Variants in LENG8 observed in about 807,000 individuals in gnomAD.
LENG8 encodes leukocyte receptor cluster member 8, also known as leukocyte receptor cluster (LRC) member 8.
LENG8 carries 28 observed loss-of-function variants against 102.1 expected under a neutral mutation model. That is an observed-to-expected ratio of 0.27 (90% CI 0.20 to 0.38). The LOEUF is 0.38. LENG8 is among the 10% of genes least tolerant of loss of function. The probability of loss-of-function intolerance (pLI) is 1.00; values close to 1 mark genes in which losing one functional copy is unlikely to be tolerated. For synonymous variants in LENG8, 531 were observed against 456.7 expected, an observed-to-expected ratio of 1.16 and a Z score of -2.07; for missense variants, 1,022 against 1,113.9, an observed-to-expected ratio of 0.92 and a Z score of 1.17.
chr19:54,449,765 C>G (rs923032459), intron 1 of LENG8: 2 of 152,354 alleles, frequency 1.3e-5, no homozygotes, highest in African/African-American at 2.4e-5. Context: ...GACCTCAGGC[C>G]TCGCGTCTGA....
Position 54,461,624 on chromosome 19 carries a change from T to A in LENG8, c.*696T>A, listed in dbSNP as rs995448911. The A allele has an allele frequency of 8.4e-6, 4 of 474,026 alleles. No individual in the cohort carries two copies. Among genetic ancestry groups the A allele is most frequent in the Admixed American group, 2.3e-5 (1 of 42,600 alleles). The allele number at this position is 474,026 out of a possible 1,614,324, so 29.4% of individuals were successfully genotyped here. ...TCTGCCCCCAGTGTTTCTTCTGATTTTTTTTTCCCCTTTCCCTCCCTCCCT... is the reference window on the plus strand; with the variant it reads ...TCTGCCCCCAGTGTTTCTTCTGATTATTTTTTCCCCTTTCCCTCCCTCCCT... On this transcript the variant is annotated 3_prime_UTR_variant, in exon 16 of 16. Coordinates refer to ENST00000326764, the MANE Select transcript of LENG8 (RefSeq NM_052925.4).
Position 54,461,835 on chromosome 19 carries a change from G to T in LENG8, c.*907G>T. ...TCCCTCCCTCTTCTGCCATGTAACT[G>T]GAGGATGTGCTATGAGTTTGCAAAC... On this transcript the variant is annotated 3_prime_UTR_variant, in exon 16 of 16. Coordinates refer to ENST00000326764, the MANE Select transcript of LENG8 (RefSeq NM_052925.4). 7 of 533,334 alleles carry T rather than the reference G, an allele frequency of 1.3e-5. No individual in the cohort carries two copies. Among genetic ancestry groups the T allele is most frequent in the Non-Finnish European group, 2.2e-5 (6 of 269,094 alleles). The allele number at this position is 533,334 out of a possible 1,614,324, so 33.0% of individuals were successfully genotyped here.
At position 54,460,067 on chromosome 19, in the gene LENG8, G is replaced by C. The variant is rs945116840; in HGVS notation, c.2241-699G>C. ...CCTTCCCCCCAAGGAGGCTGACCCTGCCCTGCCAGCTGAGACTGGGAGACG... is the reference window on the plus strand; with the variant it reads ...CCTTCCCCCCAAGGAGGCTGACCCTCCCCTGCCAGCTGAGACTGGGAGACG... On this transcript the variant is annotated intron_variant, in intron 15 of 15. Coordinates refer to ENST00000326764, the MANE Select transcript of LENG8 (RefSeq NM_052925.4). The C allele has an allele frequency of 3.9e-6, 5 of 1,289,306 alleles. No homozygotes were observed. The African/African-American group carries it at 6.1e-5, about 16-fold the overall frequency. The allele number at this position is 1,289,306 out of a possible 1,614,324, so 79.9% of individuals were successfully genotyped here. A position where few individuals can be genotyped will look rare whatever the true frequency, so the allele number is the denominator to read the frequency against.
chr19:54,459,785 G>C (rs767025717), intron 15 of LENG8: 1 of 1,106,524 alleles, frequency 9.0e-7, no homozygotes, highest in African/African-American at 1.6e-5. Flanking sequence ...AGGAGCAGAC[G>C]AGGATGTGGG....
chr19:54,454,900 C>T (rs768397778), intron 6 of LENG8, 51 bp from the exon 7 acceptor site: 4 of 1,611,768 alleles, frequency 2.5e-6, no homozygotes, highest in Non-Finnish European at 3.4e-6. Context: ...CCCTGGGGAC[C>T]CCTGGATGTG....
In LENG8 at chr19:54,452,755, G is replaced by A; in HGVS notation, c.315+3G>A. 6.2e-7 allele frequency: 1 copy of A among 1,608,260 alleles called. No individual in the cohort carries two copies. Among genetic ancestry groups the A allele is most frequent in the Non-Finnish European group, 8.5e-7 (1 of 1,174,790 alleles). On this transcript the variant is annotated splice_donor_region_variant and intron_variant, in intron 4 of 15. Transcript: ENST00000326764. The stretch of plus-strand genomic sequence containing the variant: ...CCTACAGCTACTACTATCCCATGGT[G>A]AGTGCCCAGCCAGTGGGGCGGGGCA...
intron 15 of LENG8, 47 bp from the exon 16 acceptor site, chr19:54,460,719 G>GGGCCGC: frequency 4.5e-5 from 35 of 778,850 alleles, no homozygotes; most frequent in Non-Finnish European, 5.9e-5. Context: ...GCCCTCCCCT[G>GGGCCGC]CCCTCCCGCC....
rs967623405 is a variant in LENG8, at chr19:54,453,486, G to A, written c.316-60G>A. The stretch of plus-strand genomic sequence containing the variant: ...TCATGGCTGGTGTAGTTCCTGAGCA[G>A]GCTGGGGAAGCGGAAAGGGTAGGCC... On this transcript the variant is annotated intron_variant, in intron 4 of 15. Coordinates refer to ENST00000326764, the MANE Select transcript of LENG8 (RefSeq NM_052925.4). 129 of 1,121,986 alleles carry A rather than the reference G, an allele frequency of 1.1e-4. No individual in the cohort carries two copies. The East Asian group carries it at 3.1e-3, about 27-fold the overall frequency. 69.5% of individuals were successfully genotyped at this position (1,121,986 alleles called of 1,614,324 possible). A position where few individuals can be genotyped will look rare whatever the true frequency, so the allele number is the denominator to read the frequency against.
At position 54,460,889 on chromosome 19, in the gene LENG8, C is replaced by T. The variant is rs779794599; in HGVS notation, c.2364C>T (p.Ile788=). 7.7e-6 allele frequency: 12 copies of T among 1,555,392 alleles called. No homozygotes were observed. The highest frequency in any genetic ancestry group is 1.4e-5 in the African/African-American group (1 of 73,352). Residue 788 remains isoleucine, a synonymous_variant, in exon 16 of 16, where the codon ATC becomes ATT. Coordinates refer to ENST00000326764, the MANE Select transcript of LENG8 (RefSeq NM_052925.4). ...ACACGGGCCCGGACAACTCCAGCAT[C>T]GACTGCCGCCTCAGCCTGGCGCAGC... The part of the protein sequence containing the change: ...LAYTGPDNSS[I]DCRLSLAQLS...
In LENG8 at chr19:54,461,807, C is replaced by T. The variant is rs1255495867; in HGVS notation, c.*879C>T. 9.8e-6 allele frequency: 5 copies of T among 509,682 alleles called. No individual in the cohort carries two copies. The East Asian group carries it at 1.6e-4, about 17-fold the overall frequency. 31.6% of individuals were successfully genotyped at this position (509,682 alleles called of 1,614,324 possible). On this transcript the variant is annotated 3_prime_UTR_variant, in exon 16 of 16. Transcript: ENST00000326764. Reference sequence around the variant, plus strand: ...TCCTCTCCCTTTTCTTTTTGGCCCTCCCTCCCTCCCTCTTCTGCCATGTAA... The same window carrying T: ...TCCTCTCCCTTTTCTTTTTGGCCCTTCCTCCCTCCCTCTTCTGCCATGTAA...
intron 15 of LENG8, chr19:54,460,433 C>T (rs2084471875): frequency 7.9e-7 from 1 of 1,269,098 alleles, no homozygotes; most frequent in Non-Finnish European, 1.0e-6. Context: ...CCCGCCATCC[C>T]CATCCCCTGC....
At chr19:54,458,986 G>C (rs1333450674) in intron 15 of LENG8, 8 of 1,458,322 alleles carry the variant, frequency 5.5e-6, no homozygotes, top group Non-Finnish European at 3.6e-6. Flanking sequence ...GAAACGCTTA[G>C]GGAGACACCT....
intron 4 of LENG8, among the ~76,000 whole-genome samples, chr19:54,453,020 G>A (rs372139718): frequency 2.9e-4 from 44 of 152,206 alleles, no homozygotes; most frequent in African/African-American, 1.0e-3. Context: ...CTTGATGCCC[G>A]CACCCGCCAG....
At chr19:54,454,167 C>T (rs1015070624) in intron 5 of LENG8, among the ~76,000 whole-genome samples, 4 of 152,236 alleles carry the variant, frequency 2.6e-5, no homozygotes, top group East Asian at 1.9e-4. Context: ...AGCATTGAAA[C>T]GCTGCCAGCT....
intron 14 of LENG8, 26 bp downstream of exon 14, chr19:54,458,258 G>A (rs1321464886): frequency 3.7e-6 from 6 of 1,613,956 alleles, no homozygotes; most frequent in East Asian, 2.2e-5. Context: ...CAGGACAGAG[G>A]CCATGGTACC....
At chr19:54,452,358 G>T in intron 3 of LENG8, 91 bp downstream of exon 3, 1 of 1,167,862 alleles carries the variant, frequency 8.6e-7, no homozygotes, top group Non-Finnish European at 1.2e-6. Flanking sequence ...CAGACGGGGT[G>T]CTCTGAGGGG....
At position 54,458,262 on chromosome 19, in the gene LENG8, T is replaced by TG. The variant is rs1366168868; in HGVS notation, c.2032+32dup. The TG allele has an allele frequency of 1.9e-6, 3 of 1,613,848 alleles. No individual in the cohort carries two copies. The African/African-American group carries it at 4.0e-5, about 22-fold the overall frequency. On this transcript the variant is annotated intron_variant, in intron 14 of 15. Coordinates refer to ENST00000326764, the MANE Select transcript of LENG8 (RefSeq NM_052925.4). ...GGCCCAGTCCCCAGGACAGAGGCCA[T>TG]GGTACCCAGGGTTGAGCCCTGCTGA...
rs375563767 is a variant in LENG8 at position 54,461,002 on chromosome 19, G to A, written c.*74G>A. 37 of 1,530,046 alleles carry A rather than the reference G, an allele frequency of 2.4e-5. No individual in the cohort carries two copies. The highest frequency in any genetic ancestry group is 2.2e-4 in the African/African-American group (16 of 72,866). 94.8% of individuals were successfully genotyped at this position (1,530,046 alleles called of 1,614,324 possible). A position where few individuals can be genotyped will look rare whatever the true frequency, so the allele number is the denominator to read the frequency against. On this transcript the variant is annotated 3_prime_UTR_variant, in exon 16 of 16. Coordinates refer to ENST00000326764, the MANE Select transcript of LENG8 (RefSeq NM_052925.4). ...CCTTTGCGGATTCTGTTTTTGAGCC[G>A]TGGACTTGGGTTGTAAATTTATTTG...
rs2084244989 is a variant in LENG8 at position 54,456,386 on chromosome 19, A to G, written c.1366A>G (p.Arg456Gly). The G allele has an allele frequency of 1.9e-6, 3 of 1,612,528 alleles. No individual in the cohort carries two copies. Among genetic ancestry groups the G allele is most frequent in the Non-Finnish European group, 2.5e-6 (3 of 1,179,950 alleles). The part of the protein sequence containing the change: ...SGNECHPVGR[R>G]NPPPKGRGGR... ...GAATGAGTGTCACCCTGTGGGCCGC[A>G]GGAACCCGCCCCCTAAGGGCCGGGG... is the stretch of plus-strand genomic sequence containing the variant. The change falls in exon 10 of 16, where the codon AGG (arginine) becomes GGG (glycine). Residue 456 changes from arginine (R) to glycine (G), a missense_variant. Transcript: ENST00000326764.
Sources: gnomAD v4.1 joint callset for allele counts (sites outside exome capture counted in the v4.1 genomes callset) on GRCh38, gnomAD v4.1.1 for gene constraint, MANE v1.5 for transcripts, NCBI Gene and HGNC (gene_info 2026-07-23, HGNC 2026-07-21) for gene names.